Variants in TRPM3 observed in about 807,000 individuals in gnomAD.
TRPM3 encodes the protein transient receptor potential cation channel subfamily M member 3.
TRPM3 carries 77 observed loss-of-function variants against 181.2 expected under a neutral mutation model. The observed-to-expected ratio is 0.42, with a 90% CI of 0.35 to 0.51. The LOEUF (loss-of-function observed/expected upper bound fraction) is 0.51, where lower values mean the gene tolerates loss of function less well. Ranked by LOEUF, TRPM3 falls within the 20% of genes least tolerant of loss-of-function variation. The pLI, the probability that TRPM3 is intolerant of heterozygous loss-of-function variation, is 0.01. For synonymous variants in TRPM3, 745 were observed against 796.4 expected (o/e 0.94, Z 1.09); for missense variants, 1,759 against 2,196.7 (o/e 0.80, Z 3.98).
At chr9:70,626,567 C>T (rs1487633118) in intron 12 of TRPM3, among the ~76,000 whole-genome samples, 6 of 152,144 alleles carry the variant, frequency 3.9e-5, no homozygotes, top group South Asian at 2.1e-4. Context: ...ACATTACAAA[C>T]GGCTGGACTT....
At chr9:70,611,305 T>C (rs533538567) in intron 18 of TRPM3, among the ~76,000 whole-genome samples, 1 of 152,338 alleles carries the variant, frequency 6.6e-6, no homozygotes, top group South Asian at 2.1e-4. Context: ...AAATCTCATC[T>C]TGAATTGTAA....
intron 1 of TRPM3, among the ~76,000 whole-genome samples, chr9:71,181,559 C>T (rs958732285): frequency 3.3e-5 from 5 of 151,970 alleles, no homozygotes; most frequent in African/African-American, 1.2e-4. Flanking sequence ...TTATCAGATG[C>T]TGCGGAATAC....
chr9:70,960,533 T>A (rs1393140835), intron 1 of TRPM3, among the ~76,000 whole-genome samples: 1 of 152,294 alleles, frequency 6.6e-6, no homozygotes, highest in African/African-American at 2.4e-5. Flanking sequence ...TGAAGCATGA[T>A]GATAATTCCT....
At chr9:70,610,007 T>C (rs1190568881) in intron 19 of TRPM3, among the ~76,000 whole-genome samples, 1 of 152,248 alleles carries the variant, frequency 6.6e-6, no homozygotes, top group Non-Finnish European at 1.5e-5. Flanking sequence ...ATCCACTCTT[T>C]TGTAGGCAGA....
chr9:70,763,202 T>G (rs558683210), intron 7 of TRPM3, among the ~76,000 whole-genome samples: 1 of 152,218 alleles, frequency 6.6e-6, no homozygotes, highest in African/African-American at 2.4e-5. Flanking sequence ...AAAGTGTATA[T>G]TCTATATCAA....
chr9:70,691,407 G>A (rs1310913565), intron 8 of TRPM3, among the ~76,000 whole-genome samples: 1 of 152,134 alleles, frequency 6.6e-6, no homozygotes, highest in African/African-American at 2.4e-5. Flanking sequence ...GGTGCATTAT[G>A]TCTAACTTTA....
intron 6 of TRPM3, among the ~76,000 whole-genome samples, chr9:70,794,779 T>C (rs776369162): frequency 5.3e-5 from 8 of 152,196 alleles, no homozygotes; most frequent in Non-Finnish European, 1.2e-4. Context: ...CCCCACAGCC[T>C]TGCTGGACTT....
chr9:71,081,466 G>C (rs2064329319), intron 1 of TRPM3, among the ~76,000 whole-genome samples: 5 of 152,128 alleles, frequency 3.3e-5, no homozygotes, highest in Admixed American at 2.6e-4. Flanking sequence ...TTGGTGCCCA[G>C]CACGTAAAAG....
intron 1 of TRPM3, among the ~76,000 whole-genome samples, chr9:71,145,961 T>C (rs2075380677): frequency 6.6e-6 from 1 of 152,126 alleles, no homozygotes; most frequent in Non-Finnish European, 1.5e-5. Context: ...ATCTGCCTAA[T>C]AGCATCGTTC....
At chr9:70,953,239 T>C (rs2097024321) in intron 1 of TRPM3, among the ~76,000 whole-genome samples, 1 of 152,154 alleles carries the variant, frequency 6.6e-6, no homozygotes, top group Admixed American at 6.5e-5. Flanking sequence ...AGTGCTTTTG[T>C]TTTTCCACAG....
intron 1 of TRPM3, among the ~76,000 whole-genome samples, chr9:71,083,514 A>G (rs2133793028): frequency 6.6e-6 from 1 of 152,108 alleles, no homozygotes; most frequent in East Asian, 1.9e-4. Flanking sequence ...GAAATTGCAA[A>G]TTTCACAATG....
chr9:71,374,474 A>T (rs2092614685), intron 1 of TRPM3, among the ~76,000 whole-genome samples: 1 of 152,146 alleles, frequency 6.6e-6, no homozygotes, highest in Non-Finnish European at 1.5e-5. Flanking sequence ...TATATGACAA[A>T]CCCATGGCCA....
chr9:71,417,384 T>A (rs754458523), intron 1 of TRPM3, among the ~76,000 whole-genome samples: 6 of 151,972 alleles, frequency 3.9e-5, no homozygotes, highest in Non-Finnish European at 7.4e-5. Flanking sequence ...ATTTCCCTGA[T>A]AAACGAATGG....
At chr9:71,030,808 T>C (rs550277642) in intron 1 of TRPM3, among the ~76,000 whole-genome samples, 3 of 152,330 alleles carry the variant, frequency 2.0e-5, no homozygotes, top group East Asian at 1.9e-4. Context: ...TTACCTGGGC[T>C]ACAAAGACTA....
intron 1 of TRPM3, among the ~76,000 whole-genome samples, chr9:71,053,795 T>A (rs1051314822): frequency 2.0e-5 from 3 of 152,066 alleles, no homozygotes; most frequent in African/African-American, 7.2e-5. Context: ...TGACTGAGAT[T>A]TTTCTCGAAG....
At chr9:70,935,312 CA>C (rs752707113) in intron 1 of TRPM3, among the ~76,000 whole-genome samples, 15 of 152,174 alleles carry the variant, frequency 9.9e-5, no homozygotes, top group Non-Finnish European at 1.5e-5. Flanking sequence ...TTAAGTAACT[CA>C]GGGGCAAGGG....
chr9:71,077,906 C>CT (rs574083427), intron 1 of TRPM3, among the ~76,000 whole-genome samples: 15,184 of 130,792 alleles, frequency 0.12, 931 homozygotes, highest in Admixed American at 0.17. Flanking sequence ...TTGTTTTTGT[C>CT]TTTTTTTTTT....
At chr9:70,859,099 AG>A (rs1411309623) in intron 3 of TRPM3, among the ~76,000 whole-genome samples, 7 of 152,300 alleles carry the variant, frequency 4.6e-5, no homozygotes, top group East Asian at 1.9e-4. Context: ...ATCCCATGGC[AG>A]GGGTCACCCA....
At chr9:71,289,378 C>A (rs76825144) in intron 1 of TRPM3, among the ~76,000 whole-genome samples, 1,855 of 152,198 alleles carry the variant, frequency 0.012, 32 homozygotes, top group African/African-American at 0.042. Flanking sequence ...GAAATCAGAA[C>A]CTCCATAAAT....
Sources: allele counts gnomAD v4.1 joint callset (sites outside exome capture counted in the v4.1 genomes callset), GRCh38; gene constraint gnomAD v4.1.1; transcripts MANE v1.5; gene names NCBI Gene and HGNC (gene_info 2026-07-23, HGNC 2026-07-21).